BEND4: variants seen among roughly 807,000 people sequenced by gnomAD.
BEND4 encodes the protein BEN domain-containing protein 4.
In BEND4, 27 loss-of-function variants were observed where a neutral mutation model predicts 54.7. The observed-to-expected ratio is 0.49, with a 90% CI of 0.36 to 0.68. The LOEUF (loss-of-function observed/expected upper bound fraction) is 0.68, where lower values mean the gene tolerates loss of function less well. BEND4 is among the 30% of genes least tolerant of loss of function. BEND4 has a pLI of 0.00. For synonymous variants in BEND4, 327 were observed against 299.5 expected, an observed-to-expected ratio of 1.09 and a Z score of -0.95; for missense variants, 702 against 697.2, an observed-to-expected ratio of 1.01 and a Z score of -0.08.
Position 42,152,168 on chromosome 4 carries a change from G to C in BEND4, c.-25C>G. ...TCCGGCGCCTCGGGGCCGGTCCCTC[G>C]GAGCACGTCCCCTCCCCGCCGGGCG... is the stretch of plus-strand genomic sequence containing the variant. On this transcript the variant is annotated 5_prime_UTR_variant, in exon 2 of 6. Transcript: ENST00000502486. The C allele has an allele frequency of 4.0e-6, 5 of 1,239,934 alleles. No individual in the cohort carries two copies. The highest frequency in any genetic ancestry group is 3.2e-5 in the East Asian group (1 of 31,176). The allele number at this position is 1,239,934 out of a possible 1,614,324, so 76.8% of individuals were successfully genotyped here.
chr4:42,151,922 C>T lies in BEND4; in HGVS notation c.222G>A (p.Glu74=). 8.0e-7 allele frequency: 1 copy of T among 1,255,200 alleles called. No individual in the cohort carries two copies. Among genetic ancestry groups the T allele is most frequent in the Non-Finnish European group, 1.0e-6 (1 of 1,001,272 alleles). The allele number at this position is 1,255,200 out of a possible 1,614,324, so 77.8% of individuals were successfully genotyped here. The change falls in exon 2 of 6, where the codon GAG becomes GAA. Residue 74 remains glutamate (E), a synonymous_variant. Coordinates refer to ENST00000502486, the MANE Select transcript of BEND4 (RefSeq NM_207406.4). ...GCGCCTGGAACTGCTGCGGCGGCGG[C>T]TCGCTGCTGCTGATGGAGACGGCGG... ...PHAAVSISSS[E]PPPQQFQAQS...
intron 2 of BEND4, among the ~76,000 whole-genome samples, chr4:42,145,825 C>T (rs1166054561): frequency 2.6e-5 from 4 of 152,280 alleles, no homozygotes; most frequent in Admixed American, 1.3e-4. Context: ...CAGATCTCTT[C>T]TACTCAGTAG....
chr4:42,131,881 C>T (rs918619689), intron 3 of BEND4, among the ~76,000 whole-genome samples: 1 of 152,144 alleles, frequency 6.6e-6, no homozygotes, highest in Non-Finnish European at 1.5e-5. Flanking sequence ...CCTGGTCCTA[C>T]AAGGCAGGGA....
chr4:42,150,148 T>C (rs537544097), intron 2 of BEND4, among the ~76,000 whole-genome samples: 2 of 151,998 alleles, frequency 1.3e-5, no homozygotes, highest in Admixed American at 6.5e-5. Flanking sequence ...AGAAGTAGTT[T>C]AGGAGAAAAT....
chr4:42,132,177 G>A (rs1720530859), intron 3 of BEND4, among the ~76,000 whole-genome samples: 2 of 152,250 alleles, frequency 1.3e-5, no homozygotes, highest in South Asian at 4.1e-4. Flanking sequence ...GTGTCCCTCG[G>A]TTCTGTTAAC....
At chr4:42,146,383 A>T (rs1333713743) in intron 2 of BEND4, among the ~76,000 whole-genome samples, 1 of 152,232 alleles carries the variant, frequency 6.6e-6, no homozygotes, top group Non-Finnish European at 1.5e-5. Flanking sequence ...AGGTAGGTGG[A>T]CAGAACATAT....
At chr4:42,117,780 A>T (rs1220405014) in intron 5 of BEND4, 45 bp from the exon 6 acceptor site, 1 of 1,393,992 alleles carries the variant, frequency 7.2e-7, no homozygotes. Flanking sequence ...AGAAAAAAAC[A>T]GCTGGTTTTT....
rs779596181 is a variant in BEND4 at position 42,120,105 on chromosome 4, T to A, written c.1336A>T (p.Thr446Ser). The change falls in exon 5 of 6, where the codon ACA (threonine) becomes TCA (serine). Residue 446 changes from threonine to serine, a missense_variant. By Grantham distance (58) the Thr-to-Ser change is moderately conservative (BLOSUM62 1). Coordinates refer to ENST00000502486, the MANE Select transcript of BEND4 (RefSeq NM_207406.4). ...TCCAGAGGGCGTCTTTCGGGACCTG[T>A]CTCTCCTGACTGCACTGACCTTTTC... ...KRKRSVQSGE[T>S]GPERRPLDPV... 1.2e-6 allele frequency: 2 copies of A among 1,613,972 alleles called. No individual in the cohort carries two copies. Among genetic ancestry groups the A allele is most frequent in the Non-Finnish European group, 1.7e-6 (2 of 1,179,880 alleles).
chr4:42,125,299 T>G (rs1720228605), intron 4 of BEND4, among the ~76,000 whole-genome samples: 2 of 152,200 alleles, frequency 1.3e-5, no homozygotes, highest in African/African-American at 4.8e-5. Context: ...TTGGTGTCTC[T>G]CATTCCAGGC....
chr4:42,137,839 A>C (rs1482429405), intron 3 of BEND4, among the ~76,000 whole-genome samples: 1 of 152,240 alleles, frequency 6.6e-6, no homozygotes, highest in African/African-American at 2.4e-5. Flanking sequence ...CGTATATAAA[A>C]ATGTACTCAA....
chr4:42,134,576 G>A (rs538661842), intron 3 of BEND4, among the ~76,000 whole-genome samples: 47 of 152,300 alleles, frequency 3.1e-4, no homozygotes, highest in Admixed American at 2.6e-4. Flanking sequence ...ATGACTTTGC[G>A]TCTCTGTCCT....
Position 42,114,121 on chromosome 4 carries a change from G to T in BEND4, c.*3397C>A, listed in dbSNP as rs1335207442. On this transcript the variant is annotated 3_prime_UTR_variant, in exon 6 of 6. Coordinates refer to ENST00000502486, the MANE Select transcript of BEND4 (RefSeq NM_207406.4). ...CACTAAGGTTAAGCCATGAGATTTTGAACAATGCACCGTCAAGAGTCAGTG... is the reference window on the plus strand; with the variant it reads ...CACTAAGGTTAAGCCATGAGATTTTTAACAATGCACCGTCAAGAGTCAGTG... The T allele has an allele frequency of 6.6e-6, 1 of 152,170 alleles. No homozygotes were observed. The highest frequency in any genetic ancestry group is 1.5e-5 in the Non-Finnish European group (1 of 68,024). The allele number at this position is 152,170 out of a possible 1,614,324, so 9.4% of individuals were successfully genotyped here. A position where few individuals can be genotyped will look rare whatever the true frequency, so the allele number is the denominator to read the frequency against.
chr4:42,152,065 G>A lies in BEND4; in HGVS notation c.79C>T (p.Leu27Phe), dbSNP rs1721320711. 8.0e-7 allele frequency: 1 copy of A among 1,253,016 alleles called. No homozygotes were observed. Among genetic ancestry groups the A allele is most frequent in the East Asian group, 3.2e-5 (1 of 31,722 alleles). The allele number at this position is 1,253,016 out of a possible 1,614,324, so 77.6% of individuals were successfully genotyped here. ...IYKQRSPYSV[L>F]KTFPSKRPAL... ...GGTCTCTTGCTGGGGAACGTCTTGAGGACGCTGTAGGGGCTGCGCTGCTTG... is the reference window on the plus strand; with the variant it reads ...GGTCTCTTGCTGGGGAACGTCTTGAAGACGCTGTAGGGGCTGCGCTGCTTG... Residue 27 changes from leucine to phenylalanine, a missense_variant, in exon 2 of 6, where the codon CTC (leucine) becomes TTC (phenylalanine). Coordinates refer to ENST00000502486, the MANE Select transcript of BEND4 (RefSeq NM_207406.4).
At chr4:42,122,035 G>T (rs757275581) in intron 4 of BEND4, among the ~76,000 whole-genome samples, 1 of 152,102 alleles carries the variant, frequency 6.6e-6, no homozygotes, top group Non-Finnish European at 1.5e-5. Context: ...GGCCGGGAGC[G>T]GGGGTGAAAT....
chr4:42,128,852 C>T (rs754274983), intron 3 of BEND4, among the ~76,000 whole-genome samples: 3 of 151,902 alleles, frequency 2.0e-5, no homozygotes, highest in Non-Finnish European at 2.9e-5. Context: ...AGGAAAACGG[C>T]GTGAACTCGG....
chr4:42,118,492 A>G (rs2880666), intron 5 of BEND4, among the ~76,000 whole-genome samples: 61,720 of 152,068 alleles, frequency 0.41, 18,026 homozygotes, highest in African/African-American at 0.83. Context: ...AAAATGAGCT[A>G]GAGACAGCAG....
rs556016659 is a variant in BEND4 at position 42,152,420 on chromosome 4, T to C, written c.-233-44A>G. On this transcript the variant is annotated intron_variant, in intron 1 of 5. Transcript: ENST00000502486. ...TAAAGAGCAAGTGTTTAGGGTAATA[T>C]CTGCTAATGATAATGGGGGCGGGGC... 1.4e-4 allele frequency: 27 copies of C among 196,458 alleles called. No homozygotes were observed. In the East Asian group the frequency reaches 3.0e-3, roughly 22 times the overall value. 12.2% of individuals were successfully genotyped at this position (196,458 alleles called of 1,614,324 possible).
intron 3 of BEND4, among the ~76,000 whole-genome samples, chr4:42,127,802 A>T (rs1233457304): frequency 2.6e-5 from 4 of 152,132 alleles, no homozygotes; most frequent in Non-Finnish European, 5.9e-5. Context: ...AGTTTTAGAG[A>T]AATTGTAAAG....
In BEND4 at chr4:42,143,788, C is replaced by T. The variant is rs1451248483; in HGVS notation, c.694G>A (p.Glu232Lys). 6.2e-7 allele frequency: 1 copy of T among 1,611,304 alleles called. No individual in the cohort carries two copies. ...TGTTTCCTTTGCATATACTGCATCT[C>T]TATGTCTACATTGTCTGAGGTCTGA... The part of the protein sequence containing the change: ...HSQTSDNVDI[E>K]MQYMQRKQQT... The change falls in exon 3 of 6, where the codon GAG becomes AAG. Residue 232 changes from glutamate (E) to lysine (K), a missense_variant. Transcript: ENST00000502486.
Sources: allele counts gnomAD v4.1 joint callset (sites outside exome capture counted in the v4.1 genomes callset), GRCh38; gene constraint gnomAD v4.1.1; transcripts MANE v1.5; gene names NCBI Gene and HGNC (gene_info 2026-07-23, HGNC 2026-07-21).